Variants in TTC28 observed in about 807,000 individuals in gnomAD.
TTC28 encodes the protein tetratricopeptide repeat domain 28, also known as tetratricopeptide repeat protein 28.
A neutral mutation model predicts 198.0 loss-of-function variants in TTC28; 61 were observed. The observed-to-expected ratio is 0.31, with a 90% CI of 0.25 to 0.38. The LOEUF (loss-of-function observed/expected upper bound fraction) is 0.38, where lower values mean the gene tolerates loss of function less well. Ranked by LOEUF, TTC28 falls within the 10% of genes least tolerant of loss-of-function variation. The pLI is 1.00. For synonymous variants in TTC28, 1,171 were observed against 1,297.8 expected, an observed-to-expected ratio of 0.90 and a Z score of 2.10; for missense variants, 2,678 against 3,164.0, an observed-to-expected ratio of 0.85 and a Z score of 3.69.
intron 5 of TTC28, among the ~76,000 whole-genome samples, chr22:28,220,907 G>A (rs576949766): frequency 6.6e-6 from 1 of 152,270 alleles, no homozygotes; most frequent in East Asian, 1.9e-4. Context: ...TGAGGAGAAT[G>A]AATGAGCTTG....
At chr22:28,322,187 G>A (rs2045457280) in intron 2 of TTC28, among the ~76,000 whole-genome samples, 1 of 152,090 alleles carries the variant, frequency 6.6e-6, no homozygotes. Flanking sequence ...AGTGTTTCAT[G>A]TGCCTTTAGA....
At chr22:28,592,692 T>C (rs1186676854) in intron 2 of TTC28, among the ~76,000 whole-genome samples, 1 of 152,236 alleles carries the variant, frequency 6.6e-6, no homozygotes, top group Non-Finnish European at 1.5e-5. Context: ...ATTGTTACAA[T>C]TAACTGCTTC....
At chr22:28,211,425 G>A (rs926015576) in intron 5 of TTC28, among the ~76,000 whole-genome samples, 1 of 152,042 alleles carries the variant, frequency 6.6e-6, no homozygotes, top group Non-Finnish European at 1.5e-5. Context: ...TCAAAATAAA[G>A]GGATGGAGGA....
chr22:28,212,254 G>A (rs1194863584), intron 5 of TTC28, among the ~76,000 whole-genome samples: 2 of 151,898 alleles, frequency 1.3e-5, no homozygotes, highest in African/African-American at 4.8e-5. Context: ...AAAGCTAACA[G>A]AAGGCAAGAA....
intron 2 of TTC28, among the ~76,000 whole-genome samples, chr22:28,408,049 A>T (rs572539675): frequency 6.6e-6 from 1 of 152,364 alleles, no homozygotes; most frequent in South Asian, 2.1e-4. Context: ...TGGGACTAGT[A>T]ACTGTGCATT....
intron 19 of TTC28, among the ~76,000 whole-genome samples, chr22:27,991,433 A>G (rs1264283583): frequency 6.6e-6 from 1 of 152,192 alleles, no homozygotes; most frequent in African/African-American, 2.4e-5. Context: ...TACACTTATT[A>G]CAAAATGAGC....
At chr22:28,228,497 C>T (rs1242044528) in intron 5 of TTC28, among the ~76,000 whole-genome samples, 1 of 152,034 alleles carries the variant, frequency 6.6e-6, no homozygotes, top group Non-Finnish European at 1.5e-5. Flanking sequence ...GTCAGGAGTT[C>T]AAGACCAGCC....
At chr22:28,339,824 A>T (rs1006801702) in intron 2 of TTC28, among the ~76,000 whole-genome samples, 2 of 151,566 alleles carry the variant, frequency 1.3e-5, no homozygotes, top group Non-Finnish European at 2.9e-5. Context: ...GAATTCCCTG[A>T]CCCCTTGTGC....
At chr22:28,232,670 A>G (rs1928902656) in intron 5 of TTC28, 1 of 152,276 alleles carries the variant, frequency 6.6e-6, no homozygotes, top group Admixed American at 6.5e-5. Context: ...AGAATCCTGT[A>G]CATGGCTCAA....
At chr22:28,478,959 T>G (rs1199900315) in intron 2 of TTC28, among the ~76,000 whole-genome samples, 1 of 152,236 alleles carries the variant, frequency 6.6e-6, no homozygotes, top group Non-Finnish European at 1.5e-5. Context: ...GTTTATGTTC[T>G]GTCTCACCAC....
chr22:28,505,766 A>G (rs1334709360), intron 2 of TTC28, among the ~76,000 whole-genome samples: 2 of 152,196 alleles, frequency 1.3e-5, no homozygotes, highest in Non-Finnish European at 2.9e-5. Context: ...GAATTTAGGG[A>G]GCCAAGCAGT....
intron 12 of TTC28, among the ~76,000 whole-genome samples, chr22:28,086,628 T>G (rs1224534633): frequency 6.6e-6 from 1 of 151,850 alleles, no homozygotes; most frequent in Admixed American, 6.6e-5. Context: ...GCAAACATAT[T>G]CAAAAGCTAG....
intron 2 of TTC28, among the ~76,000 whole-genome samples, chr22:28,325,164 G>A (rs1481090872): frequency 2.0e-5 from 3 of 151,714 alleles, no homozygotes; most frequent in Non-Finnish European, 2.9e-5. Flanking sequence ...CCTGTTATTG[G>A]TGTATTCAGG....
At chr22:28,595,171 G>A (rs575703983) in intron 2 of TTC28, among the ~76,000 whole-genome samples, 1 of 152,140 alleles carries the variant, frequency 6.6e-6, no homozygotes, top group East Asian at 1.9e-4. Flanking sequence ...GGACATCAGG[G>A]CTTATACACC....
chr22:28,157,719 C>T (rs557574036), intron 6 of TTC28, among the ~76,000 whole-genome samples: 5 of 152,216 alleles, frequency 3.3e-5, no homozygotes, highest in African/African-American at 1.2e-4. Context: ...TTCAACATCT[C>T]TTCATAAAAA....
At chr22:28,620,104 C>A (rs189762365) in intron 2 of TTC28, among the ~76,000 whole-genome samples, 1 of 152,322 alleles carries the variant, frequency 6.6e-6, no homozygotes, top group Admixed American at 6.5e-5. Flanking sequence ...GTAATCCCAG[C>A]ACTCTGGGAG....
At position 27,982,348 on chromosome 22, in the gene TTC28, G is replaced by A. The variant is rs887416829; in HGVS notation, c.7319C>T (p.Ser2440Leu). Residue 2440 changes from serine (S) to leucine (L), a missense_variant, in exon 23 of 23, where the codon TCG (serine) becomes TTG (leucine). By Grantham distance (145) the Ser-to-Leu change is moderately radical. Transcript: ENST00000397906. This position sits in a 1 kb window ranked among gnomAD's most constrained non-coding sequence, Gnocchi z 5.2. ...GGCGGGCAGCGGCAGTGAGCCCAGC[G>A]AGGTGGTCTCGGTGCGCCAGTGTCC... ...PNGHWRTETT[S>L]LGSLPLPAGP... 2.0e-5 allele frequency: 31 copies of A among 1,546,954 alleles called. No homozygotes were observed. The highest frequency in any genetic ancestry group is 2.4e-5 in the Non-Finnish European group (28 of 1,144,130).
chr22:28,660,788 T>G (rs1181669550), intron 1 of TTC28, among the ~76,000 whole-genome samples: 1 of 149,354 alleles, frequency 6.7e-6, no homozygotes, highest in South Asian at 2.1e-4. Flanking sequence ...CTTCCCAAAG[T>G]GCTGGGATTA....
intron 2 of TTC28, among the ~76,000 whole-genome samples, chr22:28,357,838 G>A (rs900010763): frequency 7.9e-5 from 12 of 152,146 alleles, no homozygotes; most frequent in Non-Finnish European, 1.8e-4. Context: ...GGACTCCAGA[G>A]CAGCAGGCAA....
Sources: gnomAD v4.1 joint callset for allele counts (sites outside exome capture counted in the v4.1 genomes callset) on GRCh38, gnomAD v4.1.1 for gene constraint, Gnocchi (gnomAD v3.1) non-coding constraint, MANE v1.5 for transcripts, NCBI Gene and HGNC (gene_info 2026-07-23, HGNC 2026-07-21) for gene names.